Variants in LAMB4 observed in about 807,000 individuals in gnomAD.
LAMB4 encodes laminin subunit beta 4, also known as laminin subunit beta-4.
A neutral mutation model predicts 199.2 loss-of-function variants in LAMB4; 196 were observed. That is an observed-to-expected ratio of 0.98 (90% CI 0.88 to 1.11). LAMB4 has a LOEUF of 1.11. Among genes scored for constraint, LAMB4 ranks in the 50% least tolerant of loss-of-function variants. LAMB4 has a pLI of 0.00. For missense variants in LAMB4, 2,080 were observed against 2,171.2 expected (o/e 0.96, Z 0.83); for synonymous variants, 744 against 770.6 (o/e 0.97, Z 0.57).
intron 10 of LAMB4, among the ~76,000 whole-genome samples, chr7:108,099,461 A>T (rs436573): frequency 0.42 from 63,502 of 152,012 alleles, 13,479 homozygotes; most frequent in Admixed American, 0.42. Context: ...AAGAACTCTC[A>T]AATAGTTAGG....
chr7:108,055,908 C>G lies in LAMB4; in HGVS notation c.3479G>C (p.Arg1160Pro), dbSNP rs757036528. The G allele has an allele frequency of 1.2e-6, 2 of 1,614,154 alleles. No individual in the cohort carries two copies. Among genetic ancestry groups the G allele is most frequent in the Non-Finnish European group, 1.7e-6 (2 of 1,180,018 alleles). ...REGVSGQRCD[R>P]CARGHSQEFP... ...TTCCTGGCTGTGTCCCCGGGCACAG[C>G]GATCACATCTCTGGCCGCTGACACC... Residue 1160 changes from arginine (R) to proline (P), a missense_variant, in exon 25 of 34, where the codon CGC becomes CCC. Physicochemically the swap from Arg to Pro is moderately radical, Grantham distance 103. Coordinates refer to ENST00000388781, the MANE Select transcript of LAMB4 (RefSeq NM_007356.3).
chr7:108,064,007 A>C (rs753593087), intron 21 of LAMB4, 22 bp from the exon 22 acceptor site: 1 of 1,543,652 alleles, frequency 6.5e-7, no homozygotes. Context: ...TGGGAGGAAA[A>C]GGAATGGGGT....
intron 14 of LAMB4, among the ~76,000 whole-genome samples, chr7:108,091,256 T>A (rs1295121216): frequency 6.6e-6 from 1 of 152,202 alleles, no homozygotes; most frequent in Non-Finnish European, 1.5e-5. Flanking sequence ...GCTATACACA[T>A]CCACCTCACC....
At chr7:108,122,829 T>C (rs1463710185) in intron 2 of LAMB4, among the ~76,000 whole-genome samples, 3 of 152,186 alleles carry the variant, frequency 2.0e-5, no homozygotes, top group Non-Finnish European at 4.4e-5. Context: ...AGCACAGCTA[T>C]TAAAAAAATT....
chr7:108,061,035 G>A (rs1445427284), intron 23 of LAMB4, among the ~76,000 whole-genome samples: 1 of 152,200 alleles, frequency 6.6e-6, no homozygotes, highest in Non-Finnish European at 1.5e-5. Context: ...ATGTACCCCT[G>A]ATAGGATGTG....
chr7:108,066,431 A>G lies in LAMB4; in HGVS notation c.2616T>C (p.Cys872=), dbSNP rs1422432999. ...PCPCNRFAEL[C]DPETGSCFNC... ...TGAAGCATGACCCTGTCTCAGGATC[A>G]CAAAGTTCAGCAAACCTATTACAAG... Residue 872 remains cysteine, a synonymous_variant, in exon 20 of 34, where the codon TGT becomes TGC. Transcript: ENST00000388781. 1 of 1,614,252 alleles carries G rather than the reference A, an allele frequency of 6.2e-7. No individual in the cohort carries two copies. Among genetic ancestry groups the G allele is most frequent in the Admixed American group, 1.7e-5 (1 of 60,032 alleles).
Position 108,116,047 on chromosome 7 carries a change from C to T in LAMB4, c.149G>A (p.Gly50Glu). Residue 50 changes from glycine (G) to glutamate (E), a missense_variant, in exon 3 of 34, where the codon GGG becomes GAG. Gly to Glu is a moderately conservative substitution (Grantham distance 98). Coordinates refer to ENST00000388781, the MANE Select transcript of LAMB4 (RefSeq NM_007356.3). ...GCAGTATTTCTGGGCTCTGCTCAGC[C>T]CACAGGTAGAAGAAGCCATAAGCTG... The part of the protein sequence containing the change: ...NTQLMASSTC[G>E]LSRAQKYCIL... 1.2e-6 allele frequency: 2 copies of T among 1,614,012 alleles called. No homozygotes were observed. Among genetic ancestry groups the T allele is most frequent in the Non-Finnish European group, 1.7e-6 (2 of 1,179,964 alleles).
intron 14 of LAMB4, among the ~76,000 whole-genome samples, chr7:108,090,764 TAAAG>T (rs1230003787): frequency 6.6e-6 from 1 of 152,168 alleles, no homozygotes; most frequent in Admixed American, 6.5e-5. Flanking sequence ...GTCACCATCA[TAAAG>T]ATTCAATATT....
chr7:108,089,454 G>T (rs557176550), intron 14 of LAMB4, among the ~76,000 whole-genome samples: 9 of 152,236 alleles, frequency 5.9e-5, no homozygotes, highest in Non-Finnish European at 1.2e-4. Context: ...TTCTCATAAA[G>T]TCTCACTCAT....
intron 3 of LAMB4, among the ~76,000 whole-genome samples, chr7:108,113,676 T>C (rs2038309375): frequency 6.6e-6 from 1 of 152,190 alleles, no homozygotes; most frequent in South Asian, 2.1e-4. Flanking sequence ...TTGTGGACCA[T>C]TTTTTGGTTA....
intron 11 of LAMB4, among the ~76,000 whole-genome samples, chr7:108,097,394 C>A (rs1019206877): frequency 2.0e-5 from 3 of 152,182 alleles, no homozygotes; most frequent in Non-Finnish European, 4.4e-5. Flanking sequence ...TTTCCGCTCC[C>A]CCGCTTCCCT....
chr7:108,084,784 C>CTTTTTTTTTTTTT (rs745640979), intron 14 of LAMB4, among the ~76,000 whole-genome samples: 1 of 96,528 alleles, frequency 1.0e-5, no homozygotes, highest in Non-Finnish European at 2.0e-5. Context: ...CCAAGGAATC[C>CTTTTTTTTTTTTT]TTTTTTTTTT....
chr7:108,108,559 AAT>A (rs1274794327), intron 5 of LAMB4, among the ~76,000 whole-genome samples: 1 of 152,112 alleles, frequency 6.6e-6, no homozygotes, highest in Non-Finnish European at 1.5e-5. Flanking sequence ...TCATCCCGCT[AAT>A]TCTGTACTTA....
At chr7:108,121,685 G>T (rs1472315621) in intron 2 of LAMB4, among the ~76,000 whole-genome samples, 1 of 151,854 alleles carries the variant, frequency 6.6e-6, no homozygotes, top group Non-Finnish European at 1.5e-5. Flanking sequence ...AGGAGGTGGA[G>T]GTTGCAGTGA....
At chr7:108,032,400 A>T (rs879664868) in intron 31 of LAMB4, among the ~76,000 whole-genome samples, 8 of 151,784 alleles carry the variant, frequency 5.3e-5, no homozygotes, top group Non-Finnish European at 7.4e-5. Flanking sequence ...AAAAAAATAA[A>T]AAAAAAAAAT....
At chr7:108,049,701 T>C (rs1466467284) in intron 26 of LAMB4, among the ~76,000 whole-genome samples, 170 bp from the exon 27 acceptor site, 3 of 152,210 alleles carry the variant, frequency 2.0e-5, no homozygotes, top group African/African-American at 7.2e-5. Flanking sequence ...GGATTAGCTA[T>C]AGTATAATAA....
At chr7:108,097,009 T>C (rs1352921638) in intron 11 of LAMB4, among the ~76,000 whole-genome samples, 1 of 144,446 alleles carries the variant, frequency 6.9e-6, no homozygotes, top group Non-Finnish European at 1.5e-5. Context: ...ACCAAAATAA[T>C]GTTCAGCCTG....
chr7:108,046,150 C>A (rs1488373263), intron 28 of LAMB4, among the ~76,000 whole-genome samples: 5 of 151,948 alleles, frequency 3.3e-5, no homozygotes, highest in African/African-American at 4.8e-5. Flanking sequence ...TTCACTGCAA[C>A]CTCTGCCTCC....
intron 25 of LAMB4, among the ~76,000 whole-genome samples, chr7:108,053,279 T>C (rs1215094898): frequency 6.6e-6 from 1 of 152,192 alleles, no homozygotes; most frequent in Non-Finnish European, 1.5e-5. Context: ...ACACATTTAG[T>C]AAGTGGATTT....
Sources: gnomAD v4.1 joint callset for allele counts (sites outside exome capture counted in the v4.1 genomes callset) on GRCh38, gnomAD v4.1.1 for gene constraint, MANE v1.5 for transcripts, NCBI Gene and HGNC (gene_info 2026-07-23, HGNC 2026-07-21) for gene names.